HS6ST3: variants seen among roughly 807,000 people sequenced by gnomAD.
HS6ST3 encodes heparan sulfate 6-O-sulfotransferase 3.
HS6ST3 carries 12 observed loss-of-function variants against 36.7 expected under a neutral mutation model. That is an observed-to-expected ratio of 0.33 (90% CI 0.21 to 0.53). The LOEUF (loss-of-function observed/expected upper bound fraction) is 0.53, where lower values mean the gene tolerates loss of function less well. Ranked by LOEUF, HS6ST3 falls within the 20% of genes least tolerant of loss-of-function variation. The pLI, the probability that HS6ST3 is intolerant of heterozygous loss-of-function variation, is 0.95. For missense variants in HS6ST3, 584 were observed against 640.9 expected, an observed-to-expected ratio of 0.91 and a Z score of 0.96; for synonymous variants, 240 against 257.5, an observed-to-expected ratio of 0.93 and a Z score of 0.65.
At chr13:96,562,844 G>A (rs1008717122) in intron 1 of HS6ST3, among the ~76,000 whole-genome samples, 1 of 152,060 alleles carries the variant, frequency 6.6e-6, no homozygotes, top group Non-Finnish European at 1.5e-5. Context: ...GGATGTTAGA[G>A]CTCTGAAAGC....
intron 1 of HS6ST3, among the ~76,000 whole-genome samples, chr13:96,771,202 A>G (rs749799533): frequency 1.2e-4 from 18 of 144,658 alleles, no homozygotes; most frequent in Non-Finnish European, 9.1e-5. Context: ...GTTCTCACTC[A>G]TAGGTGGGAA....
chr13:96,459,433 A>C (rs2055771621), intron 1 of HS6ST3, among the ~76,000 whole-genome samples: 1 of 152,118 alleles, frequency 6.6e-6, no homozygotes, highest in Non-Finnish European at 1.5e-5. Flanking sequence ...AAGTTAAAAA[A>C]AAACTGAAAG....
intron 1 of HS6ST3, among the ~76,000 whole-genome samples, chr13:96,820,397 T>C (rs1161752278): frequency 6.6e-6 from 1 of 152,180 alleles, no homozygotes; most frequent in Non-Finnish European, 1.5e-5. Flanking sequence ...GTGCGGAGTG[T>C]GTATATAAAT....
chr13:96,656,369 T>G (rs975847162), intron 1 of HS6ST3, among the ~76,000 whole-genome samples: 2 of 152,166 alleles, frequency 1.3e-5, no homozygotes, highest in Admixed American at 1.3e-4. Flanking sequence ...TACCCTTTTT[T>G]CCATTAAGGG....
chr13:96,678,766 T>C (rs2056708053), intron 1 of HS6ST3, among the ~76,000 whole-genome samples: 2 of 152,066 alleles, frequency 1.3e-5, no homozygotes, highest in African/African-American at 4.8e-5. Flanking sequence ...GACAATAATA[T>C]AGAGTTGCTT....
chr13:96,561,301 TA>T (rs1426958724), intron 1 of HS6ST3, among the ~76,000 whole-genome samples: 1 of 152,144 alleles, frequency 6.6e-6, no homozygotes, highest in Non-Finnish European at 1.5e-5. Context: ...TTCTATTGAA[TA>T]AATGGTGCTG....
chr13:96,503,101 GT>G (rs201037861), intron 1 of HS6ST3, among the ~76,000 whole-genome samples: 16 of 151,272 alleles, frequency 1.1e-4, no homozygotes, highest in African/African-American at 3.2e-4. Context: ...TGCATATGTG[GT>G]TTTTTTTTGT....
chr13:96,200,009 C>T (rs1008978202), intron 1 of HS6ST3, among the ~76,000 whole-genome samples: 10 of 152,234 alleles, frequency 6.6e-5, no homozygotes, highest in South Asian at 4.1e-4. Context: ...ATCCATGTTT[C>T]GAGTCTCCAA....
At chr13:96,715,833 A>G (rs1875681890) in intron 1 of HS6ST3, among the ~76,000 whole-genome samples, 1 of 152,150 alleles carries the variant, frequency 6.6e-6, no homozygotes, top group Non-Finnish European at 1.5e-5. Context: ...TGTTATATCT[A>G]AATCTTAATT....
chr13:96,619,201 A>G (rs1286392555), intron 1 of HS6ST3, among the ~76,000 whole-genome samples: 3 of 152,206 alleles, frequency 2.0e-5, no homozygotes, highest in Admixed American at 2.0e-4. Context: ...TCAAAGAAGC[A>G]TGAATAGACT....
chr13:96,709,733 G>A (rs769185436), intron 1 of HS6ST3, among the ~76,000 whole-genome samples: 2 of 152,156 alleles, frequency 1.3e-5, no homozygotes, highest in African/African-American at 2.4e-5. Context: ...AGAAATAAAT[G>A]TTGTTGCTTC....
chr13:96,306,233 A>G (rs1383483361), intron 1 of HS6ST3, among the ~76,000 whole-genome samples: 2 of 151,392 alleles, frequency 1.3e-5, no homozygotes, highest in Non-Finnish European at 2.9e-5. Context: ...CCTCCCAAGT[A>G]GCTGGGACTA....
At chr13:96,736,520 T>C (rs1384244832) in intron 1 of HS6ST3, among the ~76,000 whole-genome samples, 3 of 152,206 alleles carry the variant, frequency 2.0e-5, no homozygotes, top group African/African-American at 7.2e-5. Flanking sequence ...CTATTTATTA[T>C]AGTCATCAAT....
At chr13:96,185,203 A>G (rs372662434) in intron 1 of HS6ST3, among the ~76,000 whole-genome samples, 6 of 152,352 alleles carry the variant, frequency 3.9e-5, no homozygotes, top group Admixed American at 2.0e-4. Flanking sequence ...GTTACAGAAT[A>G]CTAAGTTTGT....
intron 1 of HS6ST3, among the ~76,000 whole-genome samples, chr13:96,653,193 G>A (rs1832176): frequency 0.11 from 16,129 of 151,844 alleles, 900 homozygotes; most frequent in Admixed American, 0.17. Flanking sequence ...CATGGCATGT[G>A]TTTGATTCTT....
chr13:96,382,167 A>G (rs551912293), intron 1 of HS6ST3, among the ~76,000 whole-genome samples: 19 of 152,296 alleles, frequency 1.2e-4, no homozygotes, highest in African/African-American at 4.1e-4. Context: ...GACCTTGTCA[A>G]TGGAGCAGAG....
At chr13:96,188,449 C>T (rs910409016) in intron 1 of HS6ST3, among the ~76,000 whole-genome samples, 6 of 151,872 alleles carry the variant, frequency 4.0e-5, no homozygotes, top group South Asian at 2.1e-4. Context: ...ACCCCCCCAT[C>T]GCTACAAAAA....
At chr13:96,629,271 T>G (rs2138999803) in intron 1 of HS6ST3, among the ~76,000 whole-genome samples, 1 of 152,326 alleles carries the variant, frequency 6.6e-6, no homozygotes, top group South Asian at 2.1e-4. Flanking sequence ...TTTATAATCC[T>G]CAGAAATTAA....
chr13:96,767,557 A>G (rs1877149862), intron 1 of HS6ST3, among the ~76,000 whole-genome samples: 2 of 152,354 alleles, frequency 1.3e-5, no homozygotes, highest in East Asian at 1.9e-4. Context: ...CACAGCTTCC[A>G]TGGTAATTTC....
Sources: gnomAD v4.1 joint callset for allele counts (sites outside exome capture counted in the v4.1 genomes callset) on GRCh38, gnomAD v4.1.1 for gene constraint, MANE v1.5 for transcripts, NCBI Gene and HGNC (gene_info 2026-07-23, HGNC 2026-07-21) for gene names.